Variants in ZNF800 observed in about 807,000 individuals in gnomAD.
ZNF800 encodes the protein zinc finger protein 800.
Under a neutral mutation model 59.5 loss-of-function variants are expected in ZNF800, and 13 were observed. That is an observed-to-expected ratio of 0.22 (90% CI 0.14 to 0.35). The LOEUF is 0.35. Ranked by LOEUF, ZNF800 falls within the 10% of genes least tolerant of loss-of-function variation. ZNF800 has a pLI of 1.00. For missense variants in ZNF800, 621 were observed against 783.7 expected, an observed-to-expected ratio of 0.79 and a Z score of 2.48; for synonymous variants, 266 against 265.7, an observed-to-expected ratio of 1.00 and a Z score of -0.01.
downstream of ZNF800, among the ~76,000 whole-genome samples, chr7:127,366,282 C>A (rs1800505660): frequency 6.6e-6 from 1 of 152,102 alleles, no homozygotes; most frequent in African/African-American, 2.4e-5. Flanking sequence ...GCAGCCATTG[C>A]ACAGTAAGCC....
chr7:127,372,489 A>G lies in ZNF800; in HGVS notation c.*-675T>C, dbSNP rs913590908. On this transcript the variant is annotated intron_variant, in intron 5 of 5. Coordinates refer to ENST00000265827, the MANE Select transcript of ZNF800 (RefSeq NM_176814.5). ...GAGCGAAACTCCGTCTCAAAAAAAA[A>G]AAAAAAAAAGTAGTATTTTTCTTTC... is the stretch of plus-strand genomic sequence containing the variant. The G allele has an allele frequency of 9.3e-6, 6 of 646,812 alleles. No individual in the cohort carries two copies. In the Admixed American group the frequency reaches 1.9e-4, roughly 20 times the overall value. The allele number at this position is 646,812 out of a possible 1,614,324, so 40.1% of individuals were successfully genotyped here. A position where few individuals can be genotyped will look rare whatever the true frequency, so the allele number is the denominator to read the frequency against.
rs1801343435 is a variant in ZNF800, at chr7:127,392,056, TTAC to T, written c.-59+1_-59+3del. The T allele has an allele frequency of 1.0e-5, 4 of 388,822 alleles. No homozygotes were observed. Among genetic ancestry groups the T allele is most frequent in the Non-Finnish European group, 1.4e-5 (3 of 220,058 alleles). The allele number at this position is 388,822 out of a possible 1,614,324, so 24.1% of individuals were successfully genotyped here. A position where few individuals can be genotyped will look rare whatever the true frequency, so the allele number is the denominator to read the frequency against. ...GTCCCCACAACCAAGTGCGCCCAACTTACTCAACTCTTAGGGCGGGCCGGCGGG... is the reference window on the plus strand; with the variant it reads ...GTCCCCACAACCAAGTGCGCCCAACTTCAACTCTTAGGGCGGGCCGGCGGG... On this transcript the variant is annotated splice_donor_variant and splice_donor_region_variant and intron_variant, in intron 1 of 5. Transcript: ENST00000265827. LOFTEE classifies it low-confidence loss of function (5UTR_SPLICE).
rs1469315166 is a variant in ZNF800 at position 127,392,525 on chromosome 7, G to A, written c.-524C>T. ...CCTCAGGCTTTAGGAGAGGGGCGGA[G>A]AAAAATGGGGGTCTCCCCCAACCTT... On this transcript the variant is annotated 5_prime_UTR_variant, in exon 1 of 6. Transcript: ENST00000265827. The A allele has an allele frequency of 6.1e-6, 2 of 330,530 alleles. No individual in the cohort carries two copies. Among genetic ancestry groups the A allele is most frequent in the African/African-American group, 4.3e-5 (2 of 46,932 alleles). 20.5% of individuals were successfully genotyped at this position (330,530 alleles called of 1,614,324 possible).
At chr7:127,382,367 T>A (rs1441667273) in intron 3 of ZNF800, among the ~76,000 whole-genome samples, 1 of 152,208 alleles carries the variant, frequency 6.6e-6, no homozygotes, top group East Asian at 1.9e-4. Context: ...AGATATTTAA[T>A]AAATATGTAA....
chr7:127,372,523 A>T, intron 5 of ZNF800: 2 of 736,518 alleles, frequency 2.7e-6, no homozygotes, highest in Non-Finnish European at 3.3e-6. Flanking sequence ...TCTTCCAAAT[A>T]TGAATTTTAC....
chr7:127,379,218 T>C (rs1043483890), intron 3 of ZNF800, among the ~76,000 whole-genome samples: 1 of 152,224 alleles, frequency 6.6e-6, no homozygotes, highest in Non-Finnish European at 1.5e-5. Flanking sequence ...GGACTGCTAA[T>C]ATATTTAGTT....
chr7:127,376,545 C>T (rs1800791359), intron 4 of ZNF800, among the ~76,000 whole-genome samples: 1 of 151,916 alleles, frequency 6.6e-6, no homozygotes. Context: ...TATTAGTCTG[C>T]TATCTGCCTT....
At chr7:127,386,649 A>G (rs1451028956) in intron 2 of ZNF800, among the ~76,000 whole-genome samples, 2 of 152,230 alleles carry the variant, frequency 1.3e-5, no homozygotes, top group Non-Finnish European at 2.9e-5. Context: ...ACAAGTGCAC[A>G]ATGATGGATG....
chr7:127,390,247 T>C (rs534939715), intron 2 of ZNF800, among the ~76,000 whole-genome samples: 5 of 152,174 alleles, frequency 3.3e-5, no homozygotes, highest in African/African-American at 9.6e-5. Context: ...AGTTCAAAAC[T>C]AGCAAACTCC....
intron 2 of ZNF800, among the ~76,000 whole-genome samples, chr7:127,390,174 G>GA (rs199966147): frequency 4.7e-4 from 69 of 147,530 alleles, no homozygotes; most frequent in Non-Finnish European, 6.2e-4. Context: ...AGTGTTCTCA[G>GA]AAAAAAAAAA....
At position 127,386,286 on chromosome 7, in the gene ZNF800, ACG is replaced by A. The variant is rs776732564; in HGVS notation, c.62-133_62-132del. The A allele has an allele frequency of 9.1e-4, 461 of 505,246 alleles. 1 individual carries two copies. Among genetic ancestry groups the A allele is most frequent in the African/African-American group, 2.5e-3 (129 of 51,486 alleles). 31.3% of individuals were successfully genotyped at this position (505,246 alleles called of 1,614,324 possible). A position where few individuals can be genotyped will look rare whatever the true frequency, so the allele number is the denominator to read the frequency against. On this transcript the variant is annotated intron_variant, in intron 2 of 5. Transcript: ENST00000265827. Reference sequence around the variant, plus strand: ...ATCACACTTGTGCCCGCACACACACACGCATATATAATATGTAGATATATATA... The same window carrying A: ...ATCACACTTGTGCCCGCACACACACACATATATAATATGTAGATATATATA...
intron 2 of ZNF800, among the ~76,000 whole-genome samples, chr7:127,387,841 A>T (rs1200099458): frequency 6.6e-5 from 10 of 152,096 alleles, no homozygotes; most frequent in Non-Finnish European, 1.0e-4. Flanking sequence ...AGCCTGGGCA[A>T]CACAGCAAAA....
At chr7:127,353,757 G>C (rs1800215354) in intron 1 of ZNF800, among the ~76,000 whole-genome samples, 1 of 151,940 alleles carries the variant, frequency 6.6e-6, no homozygotes, top group Non-Finnish European at 1.5e-5. Flanking sequence ...GACACAATTT[G>C]GTCCATAAGA....
chr7:127,372,862 AT>A (rs1800670863), intron 5 of ZNF800: 1 of 985,200 alleles, frequency 1.0e-6, no homozygotes, highest in African/African-American at 1.7e-5. Context: ...TCACAGATTA[AT>A]TTTTACAATA....
downstream of ZNF800, among the ~76,000 whole-genome samples, chr7:127,366,043 A>G (rs1207753472): frequency 6.6e-6 from 1 of 152,100 alleles, no homozygotes; most frequent in Admixed American, 6.6e-5. Flanking sequence ...TTCTAATATA[A>G]TCATTTTACA....
chr7:127,378,685 G>T (rs919635476), intron 3 of ZNF800, among the ~76,000 whole-genome samples: 1 of 149,862 alleles, frequency 6.7e-6, no homozygotes, highest in Admixed American at 6.7e-5. Flanking sequence ...TTTTGAAAAC[G>T]ATGATAAAAT....
At chr7:127,355,328 G>T (rs1489671503) in intron 1 of ZNF800, among the ~76,000 whole-genome samples, 1 of 152,050 alleles carries the variant, frequency 6.6e-6, no homozygotes, top group Non-Finnish European at 1.5e-5. Context: ...GGAAGAATGG[G>T]GACAGGCCTG....
intron 1 of ZNF800, chr7:127,363,965 G>A (rs1370589202): frequency 6.6e-6 from 1 of 152,026 alleles, no homozygotes; most frequent in Non-Finnish European, 1.5e-5. Context: ...GATATGGGAA[G>A]GTGGGTAAAA....
downstream of ZNF800, among the ~76,000 whole-genome samples, chr7:127,345,596 G>A (rs1377496857): frequency 1.3e-5 from 2 of 152,190 alleles, no homozygotes; most frequent in Non-Finnish European, 2.9e-5. Context: ...ATTGGAAAAA[G>A]CAGTGTGGCT....
Sources: gnomAD v4.1 joint callset for allele counts (sites outside exome capture counted in the v4.1 genomes callset) on GRCh38, gnomAD v4.1.1 for gene constraint, MANE v1.5 for transcripts, NCBI Gene and HGNC (gene_info 2026-07-23, HGNC 2026-07-21) for gene names.